The following FGF12 variants were observed in gnomAD, a reference collection of about 807,000 sequenced individuals.
FGF12 encodes fibroblast growth factor 12.
Under a neutral mutation model 23.6 loss-of-function variants are expected in FGF12, and 14 were observed. The observed-to-expected ratio is 0.59, with a 90% confidence interval of 0.39 to 0.93. FGF12 has a LOEUF of 0.93. Ranked by LOEUF, FGF12 falls within the 40% of genes least tolerant of loss-of-function variation. The pLI is 0.00. For synonymous variants in FGF12, 62 were observed against 77.3 expected (o/e 0.80, Z 1.04); for missense variants, 175 against 217.8 (o/e 0.80, Z 1.24).
chr3:192,279,396 C>T (rs1714010047), intron 4 of FGF12, among the ~76,000 whole-genome samples: 1 of 152,032 alleles, frequency 6.6e-6, no homozygotes, highest in Non-Finnish European at 1.5e-5. Context: ...ATTGAATGAA[C>T]TGCCAGACAT....
intron 2 of FGF12, among the ~76,000 whole-genome samples, chr3:192,661,302 A>G (rs1037970877): frequency 7.9e-5 from 12 of 152,216 alleles, no homozygotes; most frequent in African/African-American, 2.9e-4. Flanking sequence ...CGGGCGGATC[A>G]CTTGAGGTCA....
At chr3:192,434,886 T>C (rs1262292252) in intron 2 of FGF12, among the ~76,000 whole-genome samples, 4 of 152,122 alleles carry the variant, frequency 2.6e-5, no homozygotes, top group African/African-American at 9.7e-5. Context: ...ATCCATTTAA[T>C]TGCGGTTAGC....
chr3:192,348,234 A>G (rs1345266098), intron 3 of FGF12, among the ~76,000 whole-genome samples: 2 of 152,166 alleles, frequency 1.3e-5, no homozygotes, highest in Non-Finnish European at 2.9e-5. Flanking sequence ...TATGTGTTCC[A>G]GATTCGGTCT....
intron 2 of FGF12, among the ~76,000 whole-genome samples, chr3:192,719,585 A>T (rs983934389): frequency 6.6e-6 from 1 of 152,202 alleles, no homozygotes; most frequent in Non-Finnish European, 1.5e-5. Flanking sequence ...AAGTAAACCA[A>T]ATTCAATTTT....
chr3:192,399,925 G>A (rs913234310), intron 2 of FGF12, among the ~76,000 whole-genome samples: 11 of 152,200 alleles, frequency 7.2e-5, no homozygotes, highest in South Asian at 2.1e-4. Flanking sequence ...CCCTCCCTAT[G>A]TTCAGGGTGA....
chr3:192,152,279 G>C (rs1478286793), intron 5 of FGF12, among the ~76,000 whole-genome samples: 1 of 87,734 alleles, frequency 1.1e-5, no homozygotes, highest in Admixed American at 1.3e-4. Context: ...TGGATTCATT[G>C]ATTTTTTGAA....
At chr3:192,159,943 A>AGTGT (rs10575323) in intron 5 of FGF12, among the ~76,000 whole-genome samples, 8,983 of 149,216 alleles carry the variant, frequency 0.06, 562 homozygotes, top group African/African-American at 0.16. Flanking sequence ...ATATTTAAGT[A>AGTGT]GTGTGTGTGT....
At chr3:192,305,695 TAA>T (rs1553794710) in intron 4 of FGF12, among the ~76,000 whole-genome samples, 1 of 144,784 alleles carries the variant, frequency 6.9e-6, no homozygotes, top group African/African-American at 2.5e-5. Flanking sequence ...TATATATATA[TAA>T]ATATATATAA....
At chr3:192,323,025 C>T in intron 4 of FGF12, among the ~76,000 whole-genome samples, 1 of 152,154 alleles carries the variant, frequency 6.6e-6, no homozygotes, top group Non-Finnish European at 1.5e-5. Flanking sequence ...GATGGGATAT[C>T]ATGTCACTCT....
intron 2 of FGF12, among the ~76,000 whole-genome samples, chr3:192,594,445 A>G (rs1032191617): frequency 2.0e-5 from 3 of 151,922 alleles, no homozygotes; most frequent in African/African-American, 7.2e-5. Flanking sequence ...GAAATAAGAC[A>G]AAAATGAGAC....
intron 4 of FGF12, among the ~76,000 whole-genome samples, chr3:192,185,236 T>C (rs1248627772): frequency 6.6e-6 from 1 of 152,218 alleles, no homozygotes; most frequent in Non-Finnish European, 1.5e-5. Flanking sequence ...GTATTTGCAA[T>C]GATGACATAC....
In FGF12 at chr3:192,331,478, T is replaced by C. The variant is rs371735157; in HGVS notation, c.228+3883A>G. On this transcript the variant is annotated intron_variant, in intron 4 of 5. Transcript: ENST00000445105. ...ATGAATAGATAAACAGAATGCAGAATGCGTATAACATACAATGGAATATTT... is the reference window on the plus strand; with the variant it reads ...ATGAATAGATAAACAGAATGCAGAACGCGTATAACATACAATGGAATATTT... Among the ~76,000 whole-genome samples, 13 of 152,182 alleles carry C rather than the reference T, an allele frequency of 8.5e-5. No individual in the cohort carries two copies. In the East Asian group the frequency reaches 2.3e-3, roughly 27 times the overall value.
At chr3:192,614,244 G>T (rs1458862302) in intron 2 of FGF12, among the ~76,000 whole-genome samples, 3 of 151,468 alleles carry the variant, frequency 2.0e-5, no homozygotes, top group Non-Finnish European at 4.4e-5. Context: ...TATAGTTAAA[G>T]CTAATTTTTT....
chr3:192,359,214 C>A (rs187566083), intron 3 of FGF12, among the ~76,000 whole-genome samples: 25 of 152,248 alleles, frequency 1.6e-4, no homozygotes, highest in African/African-American at 5.8e-4. Context: ...ATAATAAGAT[C>A]TTTTATTTAT....
At chr3:192,285,635 G>A (rs555547118) in intron 4 of FGF12, among the ~76,000 whole-genome samples, 1 of 151,964 alleles carries the variant, frequency 6.6e-6, no homozygotes, top group South Asian at 2.1e-4. Flanking sequence ...TCTACCCTCT[G>A]TAATAAAACT....
intron 2 of FGF12, among the ~76,000 whole-genome samples, chr3:192,710,263 T>C (rs1452964367): frequency 6.6e-6 from 1 of 152,190 alleles, no homozygotes; most frequent in Non-Finnish European, 1.5e-5. Flanking sequence ...GATGTAAGTA[T>C]TTAGTATTTA....
intron 4 of FGF12, among the ~76,000 whole-genome samples, chr3:192,308,947 G>A (rs1413569438): frequency 2.6e-5 from 4 of 152,108 alleles, no homozygotes; most frequent in Non-Finnish European, 5.9e-5. Context: ...GAGACAATAA[G>A]TACAAACATG....
chr3:192,444,226 C>T (rs555606740), intron 2 of FGF12, among the ~76,000 whole-genome samples: 24 of 152,256 alleles, frequency 1.6e-4, no homozygotes, highest in Non-Finnish European at 2.4e-4. Flanking sequence ...CAGTTCTCTC[C>T]GGTCTGACCT....
intron 2 of FGF12, among the ~76,000 whole-genome samples, chr3:192,696,451 G>C (rs1301954158): frequency 6.6e-6 from 1 of 152,116 alleles, no homozygotes. Flanking sequence ...ACAGCTGGTG[G>C]AGAAAATAAG....
Sources: allele counts gnomAD v4.1 joint callset (sites outside exome capture counted in the v4.1 genomes callset), GRCh38; gene constraint gnomAD v4.1.1; transcripts MANE v1.5; gene names NCBI Gene and HGNC (gene_info 2026-07-23, HGNC 2026-07-21).